Variants in CRYBG1 observed in about 807,000 individuals in gnomAD.
CRYBG1 encodes beta/gamma crystallin domain-containing protein 1.
CRYBG1 carries 139 observed loss-of-function variants against 189.2 expected under a neutral mutation model. That is an observed-to-expected ratio of 0.73 (90% CI 0.64 to 0.85). CRYBG1 has a LOEUF of 0.85. CRYBG1 is among the 40% of genes least tolerant of loss of function. The pLI, the probability that CRYBG1 is intolerant of heterozygous loss-of-function variation, is 0.00. For missense variants in CRYBG1, 2,611 were observed against 2,675.8 expected, an observed-to-expected ratio of 0.98 and a Z score of 0.53; for synonymous variants, 1,023 against 1,017.1, an observed-to-expected ratio of 1.01 and a Z score of -0.11.
At chr6:106,459,228 T>C (rs1394462492) in intron 2 of CRYBG1, among the ~76,000 whole-genome samples, 1 of 152,230 alleles carries the variant, frequency 6.6e-6, no homozygotes, top group Non-Finnish European at 1.5e-5. Context: ...AGGCACTGAC[T>C]ATGGGTGCTC....
chr6:106,535,620 G>A (rs1773987300), intron 8 of CRYBG1, among the ~76,000 whole-genome samples: 1 of 152,112 alleles, frequency 6.6e-6, no homozygotes. Flanking sequence ...ATTGCTTCAG[G>A]AATGTCTCTT....
In CRYBG1 at chr6:106,539,542, T is replaced by C; in HGVS notation, c.4845+13T>C. On this transcript the variant is annotated intron_variant, in intron 9 of 21. Transcript: ENST00000633556. Reference sequence around the variant, plus strand: ...GCCTCTGAAAATGGTAAAAATGAAATCCAAATGTCCTTGTGGTGATTCTTT... The same window carrying C: ...GCCTCTGAAAATGGTAAAAATGAAACCCAAATGTCCTTGTGGTGATTCTTT... 2.5e-6 allele frequency: 4 copies of C among 1,607,548 alleles called. No individual in the cohort carries two copies. In the African/African-American group the frequency reaches 4.0e-5, roughly 16 times the overall value.
Position 106,430,389 on chromosome 6 carries a change from A to G in CRYBG1, c.174-21305A>G, listed in dbSNP as rs138898590. Among the ~76,000 whole-genome samples, 813 of 152,340 alleles carry G rather than the reference A, an allele frequency of 5.3e-3. 8 individuals carry two copies. Among genetic ancestry groups the G allele is most frequent in the African/African-American group, 0.019 (784 of 41,572 alleles). On this transcript the variant is annotated intron_variant, in intron 1 of 21. Transcript: ENST00000633556. ...ACACTCCAGACTGGGCAACAGAGCA[A>G]GAACCTGTCTCAAACAGAAAAAAAA... is the stretch of plus-strand genomic sequence containing the variant.
At chr6:106,393,407 G>T (rs1397068894) in intron 1 of CRYBG1, among the ~76,000 whole-genome samples, 2 of 25,548 alleles carry the variant, frequency 7.8e-5, no homozygotes, top group Non-Finnish European at 1.4e-4. Flanking sequence ...ATAGTGGTGA[G>T]CAAATAAGTT....
At chr6:106,524,564 A>T (rs955286574) in intron 4 of CRYBG1, among the ~76,000 whole-genome samples, 1 of 152,194 alleles carries the variant, frequency 6.6e-6, no homozygotes, top group Non-Finnish European at 1.5e-5. Flanking sequence ...TCCATCTCAA[A>T]AGAAAAAAAA....
At chr6:106,415,317 A>G (rs1202104862) in intron 1 of CRYBG1, among the ~76,000 whole-genome samples, 1 of 152,232 alleles carries the variant, frequency 6.6e-6, no homozygotes, top group Non-Finnish European at 1.5e-5. Context: ...TGCCTTTAAT[A>G]AGTCTGTTTA....
At chr6:106,403,663 C>T (rs1193131936) in intron 1 of CRYBG1, among the ~76,000 whole-genome samples, 1 of 152,154 alleles carries the variant, frequency 6.6e-6, no homozygotes, top group Non-Finnish European at 1.5e-5. Flanking sequence ...CAATGGGTAG[C>T]CTTACTAAGC....
Position 106,435,242 on chromosome 6 carries a change from T to A in CRYBG1, c.174-16452T>A, listed in dbSNP as rs1771431960. ...CCAGGATGGTGTGATCATAGCTTACTACAGCCTCAAACTCCTCAGCTCAAG... is the reference window on the plus strand; with the variant it reads ...CCAGGATGGTGTGATCATAGCTTACAACAGCCTCAAACTCCTCAGCTCAAG... On this transcript the variant is annotated intron_variant, in intron 1 of 21. Coordinates refer to ENST00000633556, the MANE Select transcript of CRYBG1 (RefSeq NM_001371242.2). 2.0e-5 allele frequency among the ~76,000 whole-genome samples: 3 copies of A among 152,104 alleles called. No homozygotes were observed. The South Asian group carries it at 6.2e-4, about 32-fold the overall frequency.
chr6:106,428,529 T>A (rs1388964485), intron 1 of CRYBG1, among the ~76,000 whole-genome samples: 15 of 152,228 alleles, frequency 9.9e-5, no homozygotes, highest in African/African-American at 3.6e-4. Context: ...GGTTTGCAGT[T>A]GACAAAGTGC....
At chr6:106,376,602 A>G in intron 1 of CRYBG1, among the ~76,000 whole-genome samples, 1 of 152,048 alleles carries the variant, frequency 6.6e-6, no homozygotes, top group Non-Finnish European at 1.5e-5. Context: ...AGATCTTGGC[A>G]GTTCCAGTAC....
chr6:106,524,060 T>G (rs748324048), intron 4 of CRYBG1, among the ~76,000 whole-genome samples: 52 of 152,102 alleles, frequency 3.4e-4, no homozygotes, highest in Non-Finnish European at 6.8e-4. Flanking sequence ...CATATCACAC[T>G]CTGGTGTGAT....
intron 3 of CRYBG1, among the ~76,000 whole-genome samples, 156 bp from the exon 4 acceptor site, chr6:106,518,975 G>GCACACACACACA (rs377748036): frequency 0.018 from 2,443 of 134,306 alleles, 27 homozygotes; most frequent in African/African-American, 0.032. Context: ...ACATGTGTGC[G>GCACACACACACA]CACACACACA....
At position 106,561,368 on chromosome 6, in the gene CRYBG1, C is replaced by CA; in HGVS notation, c.6009dup (p.Ala2004SerfsTer30). 6.2e-7 allele frequency: 1 copy of CA among 1,613,842 alleles called. No homozygotes were observed. The highest frequency in any genetic ancestry group is 1.3e-5 in the African/African-American group (1 of 75,006). On this transcript the variant is annotated frameshift_variant, in exon 20 of 22. Transcript: ENST00000633556. LOFTEE classifies it high-confidence loss of function. Reference sequence around the variant, plus strand: ...AGCGAATTTATTTCAGACTTCGAAACAAAGCAACAGGGTTATTCATGTCAA... The same window carrying CA: ...AGCGAATTTATTTCAGACTTCGAAACAAAAGCAACAGGGTTATTCATGTCAA...
chr6:106,469,544 T>A (rs937782368), intron 2 of CRYBG1, among the ~76,000 whole-genome samples: 1 of 152,232 alleles, frequency 6.6e-6, no homozygotes, highest in African/African-American at 2.4e-5. Context: ...ATTTTATTTC[T>A]CAAGGACTAC....
At chr6:106,552,139 T>C in intron 14 of CRYBG1, 45 bp from the exon 15 acceptor site, 1 of 1,530,762 alleles carries the variant, frequency 6.5e-7, no homozygotes, top group Non-Finnish European at 8.9e-7. Flanking sequence ...TTTCAATGTG[T>C]TTGTTCTATT....
At chr6:106,557,072 A>G (rs573933098) in intron 17 of CRYBG1, among the ~76,000 whole-genome samples, 1 of 152,350 alleles carries the variant, frequency 6.6e-6, no homozygotes, top group East Asian at 1.9e-4. Flanking sequence ...TATGAAGACT[A>G]CATATCTTTG....
chr6:106,555,683 C>A, intron 16 of CRYBG1, 85 bp from the exon 17 acceptor site: 3 of 1,472,600 alleles, frequency 2.0e-6, no homozygotes, highest in South Asian at 1.3e-5. Context: ...TATTTTATAG[C>A]AGGCCACCTC....
chr6:106,513,081 A>T (rs775606758), intron 3 of CRYBG1, 42 bp downstream of exon 3: 3 of 1,571,690 alleles, frequency 1.9e-6, no homozygotes, highest in Admixed American at 3.5e-5. Context: ...CTGTCCGCAC[A>T]CGTGCTGGGG....
intron 1 of CRYBG1, among the ~76,000 whole-genome samples, chr6:106,437,278 T>C (rs1398654701): frequency 3.9e-5 from 6 of 152,224 alleles, no homozygotes; most frequent in African/African-American, 1.4e-4. Flanking sequence ...TTTTCTTATA[T>C]ATTTATATGG....
Sources: gnomAD v4.1 joint callset for allele counts (sites outside exome capture counted in the v4.1 genomes callset) on GRCh38, gnomAD v4.1.1 for gene constraint, MANE v1.5 for transcripts, NCBI Gene and HGNC (gene_info 2026-07-23, HGNC 2026-07-21) for gene names.